The following CAMK2G variants were observed in gnomAD, a reference collection of about 807,000 sequenced individuals.
CAMK2G encodes the protein calcium/calmodulin-dependent protein kinase type II subunit gamma.
In CAMK2G, 23 loss-of-function variants were observed where a neutral mutation model predicts 88.7. That is an observed-to-expected ratio of 0.26 (90% confidence interval 0.19 to 0.37). The LOEUF is 0.37. CAMK2G is among the 10% of genes least tolerant of loss of function. The pLI is 1.00. For synonymous variants in CAMK2G, 263 were observed against 294.8 expected, an observed-to-expected ratio of 0.89 and a Z score of 1.11; for missense variants, 476 against 780.8, an observed-to-expected ratio of 0.61 and a Z score of 4.65.
intron 2 of CAMK2G, among the ~76,000 whole-genome samples, chr10:73,861,934 T>A (rs950114458): frequency 2.0e-5 from 3 of 152,230 alleles, no homozygotes; most frequent in African/African-American, 7.2e-5. Context: ...ATTAGTATGA[T>A]GCCCATTTTA....
chr10:73,815,919 A>G, intron 21 of CAMK2G: 8 of 985,368 alleles, frequency 8.1e-6, no homozygotes, highest in Non-Finnish European at 9.6e-6. Context: ...GTTCAATTCA[A>G]ATGTTAGACA....
intron 2 of CAMK2G, among the ~76,000 whole-genome samples, chr10:73,866,409 A>G (rs982233272): frequency 3.3e-5 from 5 of 152,008 alleles, no homozygotes. Context: ...AGGGCTGGCC[A>G]CAGATTCTCC....
chr10:73,849,358 T>C (rs1428845983), intron 5 of CAMK2G, 25 bp from the exon 6 acceptor site: 1 of 1,580,190 alleles, frequency 6.3e-7, no homozygotes, highest in Non-Finnish European at 8.7e-7. Context: ...GGAAAAGAAA[T>C]GTTAGCGCAG....
intron 19 of CAMK2G, chr10:73,818,383 G>A (rs1053113485): frequency 3.1e-5 from 8 of 260,812 alleles, no homozygotes; most frequent in South Asian, 1.8e-4. Flanking sequence ...CTGCCGGCAT[G>A]GGCTTCTCTT....
chr10:73,815,298 A>G, intron 21 of CAMK2G, 51 bp from the exon 22 acceptor site: 1 of 1,204,686 alleles, frequency 8.3e-7, no homozygotes, highest in Non-Finnish European at 1.2e-6. Flanking sequence ...GGGCACCTGC[A>G]TTTTCCTCCC....
intron 2 of CAMK2G, among the ~76,000 whole-genome samples, chr10:73,867,341 C>G (rs1426959553): frequency 6.6e-6 from 1 of 152,254 alleles, no homozygotes; most frequent in Non-Finnish European, 1.5e-5. Context: ...CAAGGCTCTG[C>G]CTGGGGGCAC....
At chr10:73,872,500 TAC>T (rs1200172704) in intron 2 of CAMK2G, among the ~76,000 whole-genome samples, 2 of 152,252 alleles carry the variant, frequency 1.3e-5, no homozygotes, top group Admixed American at 1.3e-4. Flanking sequence ...CCCTGATGTT[TAC>T]AGATTCCCTT....
chr10:73,830,257 T>C (rs1590120693), intron 14 of CAMK2G, among the ~76,000 whole-genome samples: 2 of 152,266 alleles, frequency 1.3e-5, no homozygotes, highest in Non-Finnish European at 1.5e-5. Context: ...CACTACCACA[T>C]TGTCTAAATG....
rs985986206 is a variant in CAMK2G, at chr10:73,831,534, TAAAAAA to T, written c.1054-3419_1054-3414del. On this transcript the variant is annotated intron_variant, in intron 14 of 22. Coordinates refer to ENST00000423381, the MANE Select transcript of CAMK2G (RefSeq NM_001367534.1). Reference sequence around the variant, plus strand: ...GCCTGGGTGAGAGTGAGACTCCGTCTAAAAAAAAAAAAAAAAAAAAAAAAAGAAAGC... The same window carrying T: ...GCCTGGGTGAGAGTGAGACTCCGTCTAAAAAAAAAAAAAAAAAAAGAAAGC... 5.5e-5 allele frequency among the ~76,000 whole-genome samples: 3 copies of T among 54,636 alleles called. No homozygotes were observed. The South Asian group carries it at 1.8e-3, about 33-fold the overall frequency. 35.8% of individuals were successfully genotyped at this position (54,636 alleles called of 152,430 possible). A position where few individuals can be genotyped will look rare whatever the true frequency, so the allele number is the denominator to read the frequency against.
intron 21 of CAMK2G, chr10:73,815,885 G>A (rs2085288833): frequency 5.1e-6 from 5 of 985,120 alleles, no homozygotes; most frequent in Non-Finnish European, 6.0e-6. Context: ...AAACTGTGTT[G>A]CTTTTATTGA....
intron 4 of CAMK2G, 128 bp downstream of exon 4, chr10:73,853,064 T>C: frequency 1.2e-6 from 1 of 846,312 alleles, no homozygotes; most frequent in South Asian, 1.6e-5. Flanking sequence ...CCCAGTCAAA[T>C]CCTTTCCCTC....
intron 2 of CAMK2G, among the ~76,000 whole-genome samples, chr10:73,867,407 G>A (rs1203555838): frequency 4.6e-5 from 7 of 152,238 alleles, no homozygotes; most frequent in Admixed American, 2.0e-4. Flanking sequence ...CATGCCCCCC[G>A]GCAGGGCTCC....
At chr10:73,853,138 A>G (rs755105207) in intron 4 of CAMK2G, 54 bp downstream of exon 4, 2 of 1,545,706 alleles carry the variant, frequency 1.3e-6, no homozygotes, top group Non-Finnish European at 1.8e-6. Context: ...CTGAGCCTTC[A>G]TTTTGAGTCA....
At chr10:73,824,819 A>T (rs1412746993) in intron 16 of CAMK2G, among the ~76,000 whole-genome samples, 1 of 152,194 alleles carries the variant, frequency 6.6e-6, no homozygotes, top group Non-Finnish European at 1.5e-5. Context: ...CCTCAGCACC[A>T]TCCAGAGGTG....
intron 13 of CAMK2G, among the ~76,000 whole-genome samples, chr10:73,838,103 TCCA>T (rs1280699297): frequency 6.6e-6 from 1 of 152,146 alleles, no homozygotes; most frequent in East Asian, 1.9e-4. Context: ...TTCCCCAGTG[TCCA>T]CTCTCTGGAC....
chr10:73,856,595 G>A (rs1175365957), intron 3 of CAMK2G, among the ~76,000 whole-genome samples: 1 of 152,226 alleles, frequency 6.6e-6, no homozygotes, highest in Non-Finnish European at 1.5e-5. Context: ...GTCATGCTGT[G>A]AGGCAGGAGC....
intron 18 of CAMK2G, among the ~76,000 whole-genome samples, chr10:73,820,950 C>T (rs938460121): frequency 6.6e-6 from 1 of 151,920 alleles, no homozygotes; most frequent in East Asian, 1.9e-4. Context: ...GTTGGGATTA[C>T]AGGCGTGAGC....
intron 2 of CAMK2G, among the ~76,000 whole-genome samples, chr10:73,864,957 C>T (rs576921517): frequency 7.9e-5 from 12 of 152,320 alleles, no homozygotes; most frequent in African/African-American, 2.6e-4. Context: ...AGGTTCCTCA[C>T]TTCTAAAATA....
intron 15 of CAMK2G, among the ~76,000 whole-genome samples, chr10:73,825,647 T>C (rs191274429): frequency 9.2e-5 from 14 of 152,296 alleles, no homozygotes; most frequent in African/African-American, 2.9e-4. Context: ...AATCCACACC[T>C]GACCCAAAGA....
Sources: gnomAD v4.1 joint callset for allele counts (sites outside exome capture counted in the v4.1 genomes callset) on GRCh38, gnomAD v4.1.1 for gene constraint, MANE v1.5 for transcripts, NCBI Gene and HGNC (gene_info 2026-07-23, HGNC 2026-07-21) for gene names.